TRPM1: variants seen among roughly 807,000 people sequenced by gnomAD.
TRPM1 encodes the protein TRPM1-203 APA Isoform, Intron 10.
TRPM1 carries 113 observed loss-of-function variants against 149.4 expected under a neutral mutation model. That is an observed-to-expected ratio of 0.76 (90% CI 0.65 to 0.88). TRPM1 has a LOEUF of 0.88. TRPM1 is among the 40% of genes least tolerant of loss of function. TRPM1 has a pLI of 0.00. For missense variants in TRPM1, 1,976 were observed against 2,038.7 expected, an observed-to-expected ratio of 0.97 and a Z score of 0.59; for synonymous variants, 741 against 759.5, an observed-to-expected ratio of 0.98 and a Z score of 0.40.
In TRPM1 at chr15:31,141,780, G is replaced by T. The variant is rs548669062; in HGVS notation, c.54+19126C>A. ...AGTAAAATCTTATGAAAGAAATTTT[G>T]TGTGTGATCAAGTTGGTTAAAATTG... On this transcript the variant is annotated intron_variant, in intron 1 of 26. Coordinates refer to the TRPM1 transcript ENST00000542188. Among the ~76,000 whole-genome samples the T allele has an allele frequency of 1.5e-4, 23 of 152,320 alleles. No homozygotes were observed. The East Asian group carries it at 4.2e-3, about 28-fold the overall frequency.
chr15:31,107,974 C>T (rs2035631633), intron 1 of TRPM1, among the ~76,000 whole-genome samples: 1 of 151,940 alleles, frequency 6.6e-6, no homozygotes, highest in Non-Finnish European at 1.5e-5. Context: ...TCTCCTGCCT[C>T]AGCCTCTCAA....
intron 1 of TRPM1, among the ~76,000 whole-genome samples, chr15:31,125,130 AACGTGTC>A: frequency 6.6e-6 from 1 of 152,284 alleles, no homozygotes; most frequent in South Asian, 2.1e-4. Flanking sequence ...GTGAACCAAG[AACGTGTC>A]ACTGTACTCC....
At chr15:31,148,590 C>T (rs559764490) in intron 1 of TRPM1, among the ~76,000 whole-genome samples, 1 of 152,312 alleles carries the variant, frequency 6.6e-6, no homozygotes, top group African/African-American at 2.4e-5. Context: ...TCATCAAAAA[C>T]TCCCATGCCT....
intron 27 of TRPM1, among the ~76,000 whole-genome samples, chr15:31,007,011 A>T (rs188528912): frequency 2.0e-5 from 3 of 152,208 alleles, no homozygotes; most frequent in Non-Finnish European, 4.4e-5. Context: ...GATATTTTGT[A>T]TAAAAGTCTT....
At chr15:31,044,591 A>G (rs1245549692) in intron 16 of TRPM1, among the ~76,000 whole-genome samples, 1 of 151,968 alleles carries the variant, frequency 6.6e-6, no homozygotes, top group East Asian at 1.9e-4. Flanking sequence ...GACCAGCCTG[A>G]CCAATATGGT....
Position 31,049,478 on chromosome 15 carries a change from G to A in TRPM1, c.1469C>T (p.Ala490Val). ...AAAGTCGACACGATCTAAGACTAAAGCATCTAGCATCGCTTGCTCCAAAGC... is the reference window on the plus strand; with the variant it reads ...AAAGTCGACACGATCTAAGACTAAAACATCTAGCATCGCTTGCTCCAAAGC... ...VNALEQAMLD[A>V]LVLDRVDFVK... Residue 490 changes from alanine (A) to valine (V), a missense_variant, in exon 13 of 28, where the codon GCT becomes GTT. Ala to Val is a moderately conservative substitution (Grantham distance 64). Transcript: ENST00000256552. The A allele has an allele frequency of 6.2e-7, 1 of 1,614,062 alleles. No homozygotes were observed. The highest frequency in any genetic ancestry group is 1.1e-5 in the South Asian group (1 of 91,076).
At chr15:31,116,012 C>T (rs2035793120) in intron 1 of TRPM1, among the ~76,000 whole-genome samples, 1 of 151,996 alleles carries the variant, frequency 6.6e-6, no homozygotes, top group Admixed American at 6.6e-5. Flanking sequence ...AATCTCATCC[C>T]TGAGGACTCT....
At chr15:31,011,524 G>T (rs1418895456) in intron 27 of TRPM1, among the ~76,000 whole-genome samples, 6 of 152,062 alleles carry the variant, frequency 3.9e-5, no homozygotes, top group Admixed American at 3.9e-4. Context: ...TTGAGTGGCT[G>T]GGACTACAGG....
intron 6 of TRPM1, 122 bp from the exon 7 acceptor site, chr15:31,066,369 C>T: frequency 9.0e-7 from 1 of 1,106,152 alleles, no homozygotes; most frequent in East Asian, 2.5e-5. Flanking sequence ...CATCTCTACC[C>T]TGCCTTTTGA....
At chr15:31,055,680 A>G (rs2140947256) in intron 11 of TRPM1, among the ~76,000 whole-genome samples, 1 of 152,306 alleles carries the variant, frequency 6.6e-6, no homozygotes, top group Non-Finnish European at 1.5e-5. Flanking sequence ...AGCCCTCTCC[A>G]GTCGGCACTC....
chr15:31,022,346 G>A (rs1284717600), intron 27 of TRPM1, among the ~76,000 whole-genome samples: 2 of 152,254 alleles, frequency 1.3e-5, no homozygotes, highest in South Asian at 2.1e-4. Flanking sequence ...GCTGCCAGAA[G>A]TTGACCAGAC....
At chr15:31,036,890 G>A (rs779763430) in intron 20 of TRPM1, among the ~76,000 whole-genome samples, 3 of 152,246 alleles carry the variant, frequency 2.0e-5, no homozygotes, top group East Asian at 1.9e-4. Context: ...CTCATTCATC[G>A]CCCAGACCAC....
intron 18 of TRPM1, among the ~76,000 whole-genome samples, chr15:31,038,751 T>C (rs2033510947): frequency 6.6e-6 from 1 of 151,970 alleles, no homozygotes; most frequent in South Asian, 2.1e-4. Context: ...AGTCCTTACA[T>C]GAAATTTCGA....
intron 13 of TRPM1, 95 bp downstream of exon 13, chr15:31,049,280 A>T (rs1055190941): frequency 6.4e-7 from 1 of 1,571,966 alleles, no homozygotes; most frequent in African/African-American, 1.3e-5. Flanking sequence ...CAGCTGAAGG[A>T]GGTCAGATGA....
In TRPM1 at chr15:31,099,264, G is replaced by A. The variant is rs575262143; in HGVS notation, c.-84+2393C>T. The stretch of plus-strand genomic sequence containing the variant: ...TGAGGGCAACATGTCTCTTGCTACT[G>A]TCTACTTAATGGAGGTTTTAAGACG... On this transcript the variant is annotated intron_variant, in intron 1 of 27. Transcript: ENST00000256552. 3.3e-5 allele frequency among the ~76,000 whole-genome samples: 5 copies of A among 152,270 alleles called. No individual in the cohort carries two copies. In the South Asian group the frequency reaches 1.0e-3, roughly 32 times the overall value.
At chr15:31,111,895 A>AC (rs548952056) in intron 1 of TRPM1, among the ~76,000 whole-genome samples, 9,073 of 151,754 alleles carry the variant, frequency 0.06, 468 homozygotes, top group African/African-American at 0.12. Context: ...CAAAGCACCC[A>AC]CCCCCCCAAA....
rs774889847 is a variant in TRPM1 at position 31,026,161 on chromosome 15, G to C, written c.3607C>G (p.Arg1203Gly). The change falls in exon 27 of 28, where the codon CGC becomes GGC. Residue 1203 changes from arginine (R) to glycine (G), a missense_variant. This residue lies in a region of TRPM1 where 572 missense variants were observed against 578.9 expected (regional missense o/e 0.99). Transcript: ENST00000256552. Reference protein sequence around the residue: ...EDEQQSSSDERIRVTSERVEN... With the variant: ...EDEQQSSSDEGIRVTSERVEN... ...TACCTTTCAGAAGTGACCCGGATGC[G>C]CTCGTCGCTGGACGACTGCTGCTCA... 1 of 1,611,852 alleles carries C rather than the reference G, an allele frequency of 6.2e-7. No homozygotes were observed. The highest frequency in any genetic ancestry group is 1.3e-5 in the African/African-American group (1 of 74,934).
In TRPM1 at chr15:31,081,306, CA is replaced by C. The variant is rs754945455; in HGVS notation, c.3+46del. 2.1e-4 allele frequency: 152 copies of C among 723,252 alleles called. No homozygotes were observed. In the African/African-American group the frequency reaches 3.7e-3, roughly 17 times the overall value. 44.8% of individuals were successfully genotyped at this position (723,252 alleles called of 1,614,324 possible). A position where few individuals can be genotyped will look rare whatever the true frequency, so the allele number is the denominator to read the frequency against. ...CTAGCATGTGACTAACGTACTTTCT[CA>C]GGGGGGGAGGGGGGGAAGGTGGAAG... is the stretch of plus-strand genomic sequence containing the variant. On this transcript the variant is annotated intron_variant, in intron 2 of 27. Coordinates refer to ENST00000256552, the MANE Select transcript of TRPM1 (RefSeq NM_001252024.2).
rs2034205460 is a variant in TRPM1, at chr15:31,060,620, T to C, written c.1187A>G (p.Gln396Arg). The C allele has an allele frequency of 3.7e-6, 6 of 1,614,130 alleles. No homozygotes were observed. In the African/African-American group the frequency reaches 4.0e-5, roughly 11 times the overall value. ...LKGTNVSAPD[Q>R]LSLALAWNRV... ...GTTCCAAGCCAGTGCCAAGCTCAGC[T>C]GATCTGGAGCAGATACGTTTGTTCC... is the stretch of plus-strand genomic sequence containing the variant. The change falls in exon 11 of 28, where the codon CAG becomes CGG. Residue 396 changes from glutamine to arginine, a missense_variant. Gln to Arg is a conservative substitution (Grantham distance 43). Coordinates refer to ENST00000256552, the MANE Select transcript of TRPM1 (RefSeq NM_001252024.2).
Sources: gnomAD v4.1 joint callset for allele counts (sites outside exome capture counted in the v4.1 genomes callset) on GRCh38, gnomAD v4.1.1 for gene constraint, gnomAD v4.1.1 regional missense constraint, MANE v1.5 for transcripts, NCBI Gene and HGNC (gene_info 2026-07-23, HGNC 2026-07-21) for gene names.